Variants in EXPH5 observed in about 807,000 individuals in gnomAD.
EXPH5 encodes exophilin-5.
In EXPH5, 42 loss-of-function variants were observed where a neutral mutation model predicts 41.1. The ratio of observed to expected loss-of-function variants is 1.02; its 90% CI spans 0.80 to 1.32. The LOEUF (loss-of-function observed/expected upper bound fraction) is 1.32, where lower values mean the gene tolerates loss of function less well. Among genes scored for constraint, EXPH5 ranks in the 40% most tolerant of loss-of-function variants. The probability of loss-of-function intolerance (pLI) is 0.00; values close to 1 mark genes in which losing one functional copy is unlikely to be tolerated. For missense variants in EXPH5, 2,298 were observed against 2,314.5 expected (o/e 0.99, Z 0.15); for synonymous variants, 798 against 833.5 (o/e 0.96, Z 0.73).
At position 108,593,483 on chromosome 11, in the gene EXPH5, G is replaced by C. The variant is rs1178702209; in HGVS notation, c.54C>G (p.Ala18=). 2 of 1,614,044 alleles carry C rather than the reference G, an allele frequency of 1.2e-6. No homozygotes were observed. The highest frequency in any genetic ancestry group is 1.1e-5 in the South Asian group (1 of 91,058). Residue 18 remains alanine, a synonymous_variant, in exon 1 of 6, where the codon GCC becomes GCG. Coordinates refer to ENST00000265843, the MANE Select transcript of EXPH5 (RefSeq NM_015065.3). The stretch of plus-strand genomic sequence containing the variant: ...TTTCCAGCACCTGAAGGATCTTCCT[G>C]GCCTCTTCGTCATTTAAGAAACTGA... The part of the protein sequence containing the change: ...FDFSFLNDEE[A]RKILQVLERN...
At chr11:108,523,044 A>AT (rs1206446870) in intron 4 of EXPH5, among the ~76,000 whole-genome samples, 3 of 151,658 alleles carry the variant, frequency 2.0e-5, no homozygotes, top group African/African-American at 7.3e-5. Context: ...ACCATGCCTA[A>AT]TTTTTTAATT....
intron 1 of EXPH5, among the ~76,000 whole-genome samples, chr11:108,580,031 A>G (rs1591757793): frequency 6.6e-6 from 1 of 152,244 alleles, no homozygotes; most frequent in East Asian, 1.9e-4. Flanking sequence ...CATAGGCAAC[A>G]AAAGTAAAAA....
intron 5 of EXPH5, among the ~76,000 whole-genome samples, chr11:108,517,441 C>T (rs1436452942): frequency 6.6e-6 from 1 of 152,174 alleles, no homozygotes; most frequent in African/African-American, 2.4e-5. Flanking sequence ...CAATATGGGC[C>T]AGGCGATGGT....
At chr11:108,549,785 C>T (rs917457188) in intron 1 of EXPH5, among the ~76,000 whole-genome samples, 44 of 152,262 alleles carry the variant, frequency 2.9e-4, no homozygotes, top group Non-Finnish European at 1.2e-4. Flanking sequence ...GTTTTTCTTT[C>T]CCCACTTGTC....
chr11:108,576,090 C>T (rs1423102875), intron 1 of EXPH5, among the ~76,000 whole-genome samples: 1 of 152,170 alleles, frequency 6.6e-6, no homozygotes, highest in South Asian at 2.1e-4. Context: ...CTCTGGAGAA[C>T]TGAGAACAGG....
Position 108,518,460 on chromosome 11 carries a change from T to TA in EXPH5, c.493-88dup. On this transcript the variant is annotated intron_variant, in intron 4 of 5. Transcript: ENST00000265843. ...CGCTCCCACCAAACTGTCCCAAGCT[T>TA]AAAAGTATTAGTCTAAGGACTGCAA... The TA allele has an allele frequency of 2.5e-6, 3 of 1,223,434 alleles. No individual in the cohort carries two copies. The East Asian group carries it at 7.3e-5, about 30-fold the overall frequency. 75.8% of individuals were successfully genotyped at this position (1,223,434 alleles called of 1,614,324 possible).
chr11:108,531,569 T>C (rs144417689), intron 3 of EXPH5, among the ~76,000 whole-genome samples: 1 of 152,326 alleles, frequency 6.6e-6, no homozygotes, highest in African/African-American at 2.4e-5. Flanking sequence ...TCTAGACTTG[T>C]CAAATTAATT....
chr11:108,514,460 C>G lies in EXPH5; in HGVS notation c.1047G>C (p.Gln349His). 1 of 1,613,760 alleles carries G rather than the reference C, an allele frequency of 6.2e-7. No individual in the cohort carries two copies. Among genetic ancestry groups the G allele is most frequent in the Non-Finnish European group, 8.5e-7 (1 of 1,179,834 alleles). Residue 349 changes from glutamine (Q) to histidine (H), a missense_variant, in exon 6 of 6, where the codon CAG becomes CAC. Physicochemically the swap from Gln to His is conservative, Grantham distance 24. Coordinates refer to ENST00000265843, the MANE Select transcript of EXPH5 (RefSeq NM_015065.3). ...ARSLHFPATTQSKSGFIPPRH... is the reference protein window; with the variant it reads ...ARSLHFPATTHSKSGFIPPRH... ...TTGGTGGTATAAACCCACTCTTGCT[C>G]TGAGTTGTGGCTGGAAAATGTAAGC...
upstream of EXPH5, among the ~76,000 whole-genome samples, chr11:108,596,325 G>A (rs1406604961): frequency 6.6e-6 from 1 of 152,056 alleles, no homozygotes; most frequent in African/African-American, 2.4e-5. Flanking sequence ...CCCAACCAAA[G>A]GCAATGTAAG....
rs760304396 is a variant in EXPH5, at chr11:108,539,120, GA to G, written c.346del (p.Ser116LeufsTer4). On this transcript the variant is annotated frameshift_variant, in exon 3 of 6. Coordinates refer to ENST00000265843, the MANE Select transcript of EXPH5 (RefSeq NM_015065.3). LOFTEE classifies it high-confidence loss of function. ...VTNQKKPTPF[S>X]SRMSFRSSFA... ...TGACGATCTGAAGCTCATCCGGGAA[GA>G]AAAAGGTGTCGGCTTTTTTTGATTA... 1.2e-6 allele frequency: 2 copies of G among 1,611,564 alleles called. No homozygotes were observed. The highest frequency in any genetic ancestry group is 2.2e-5 in the South Asian group (2 of 90,544).
intron 1 of EXPH5, among the ~76,000 whole-genome samples, chr11:108,570,227 A>ATTTTTATTAGT (rs1555198619): frequency 4.6e-5 from 7 of 151,018 alleles, no homozygotes; most frequent in African/African-American, 1.7e-4. Context: ...AGCATTTTTA[A>ATTTTTATTAGT]TTTTTATTAT....
rs2093672699 is a variant in EXPH5, at chr11:108,510,621, A to C, written c.4886T>G (p.Phe1629Cys). ...IFPQSGSRSG[F>C]DHLSLGTVEC... ...CACTGTGCCAAGAGATAAATGGTCA[A>C]AGCCAGATCTGCTTCCACTTTGGGG... Residue 1629 changes from phenylalanine to cysteine, a missense_variant, in exon 6 of 6, where the codon TTT becomes TGT. Coordinates refer to ENST00000265843, the MANE Select transcript of EXPH5 (RefSeq NM_015065.3). 5 of 1,614,026 alleles carry C rather than the reference A, an allele frequency of 3.1e-6. No individual in the cohort carries two copies. Among genetic ancestry groups the C allele is most frequent in the Non-Finnish European group, 4.2e-6 (5 of 1,180,012 alleles).
upstream of EXPH5, among the ~76,000 whole-genome samples, chr11:108,596,575 G>A (rs2094139137): frequency 6.6e-6 from 1 of 152,212 alleles, no homozygotes; most frequent in African/African-American, 2.4e-5. Context: ...AATTTAAAAT[G>A]AGAAATGTGG....
rs1223612235 is a variant in EXPH5, at chr11:108,506,190, T to C, written c.*3347A>G. 1 of 152,174 alleles carries C rather than the reference T, an allele frequency of 6.6e-6. No homozygotes were observed. Among genetic ancestry groups the C allele is most frequent in the Non-Finnish European group, 1.5e-5 (1 of 68,028 alleles). 9.4% of individuals were successfully genotyped at this position (152,174 alleles called of 1,614,324 possible). A position where few individuals can be genotyped will look rare whatever the true frequency, so the allele number is the denominator to read the frequency against. ...AGAAAACAAGTTATGAATATAAAAA[T>C]GACTATTATAAGTTACCATAGCTAT... On this transcript the variant is annotated 3_prime_UTR_variant, in exon 6 of 6. Coordinates refer to ENST00000265843, the MANE Select transcript of EXPH5 (RefSeq NM_015065.3).
intron 1 of EXPH5, among the ~76,000 whole-genome samples, chr11:108,592,011 G>T (rs1033108023): frequency 6.6e-6 from 1 of 152,174 alleles, no homozygotes; most frequent in Non-Finnish European, 1.5e-5. Flanking sequence ...AGTGCCTTTG[G>T]AATATGCACT....
chr11:108,603,887 C>A, the EXPH5 span, among the ~76,000 whole-genome samples: 1 of 152,150 alleles, frequency 6.6e-6, no homozygotes, highest in Non-Finnish European at 1.5e-5. Flanking sequence ...GAGAGAAAGG[C>A]TGTTTCCAGG....
chr11:108,547,835 C>T (rs773664258), intron 1 of EXPH5, among the ~76,000 whole-genome samples: 33 of 152,116 alleles, frequency 2.2e-4, no homozygotes, highest in Non-Finnish European at 3.7e-4. Flanking sequence ...CTTGGCTGGG[C>T]GCAGTAGCTC....
intron 1 of EXPH5, among the ~76,000 whole-genome samples, chr11:108,550,018 T>C (rs1565815986): frequency 2.0e-5 from 3 of 152,166 alleles, no homozygotes. Context: ...GTGTTTACTA[T>C]TACCAAGGAA....
At chr11:108,596,493 G>A (rs1033537156), upstream of EXPH5, among the ~76,000 whole-genome samples, 4 of 152,190 alleles carry the variant, frequency 2.6e-5, no homozygotes, top group African/African-American at 9.7e-5. Flanking sequence ...TGAGAAACAA[G>A]GTTTGTCAAG....
Sources: allele counts gnomAD v4.1 joint callset (sites outside exome capture counted in the v4.1 genomes callset), GRCh38; gene constraint gnomAD v4.1.1; transcripts MANE v1.5; gene names NCBI Gene and HGNC (gene_info 2026-07-23, HGNC 2026-07-21).